The following SPAG16 variants were observed in gnomAD, a reference collection of about 807,000 sequenced individuals.
SPAG16 encodes the protein sperm associated antigen 16, also known as sperm-associated antigen 16 protein.
Under a neutral mutation model 80.4 loss-of-function variants are expected in SPAG16, and 86 were observed. The ratio of observed to expected loss-of-function variants is 1.07; its 90% confidence interval spans 0.90 to 1.28. The LOEUF is 1.28. Among genes scored for constraint, SPAG16 ranks in the 50% most tolerant of loss-of-function variants. The pLI is 0.00. For synonymous variants in SPAG16, 294 were observed against 265.9 expected, an observed-to-expected ratio of 1.11 and a Z score of -1.03; for missense variants, 870 against 765.3, an observed-to-expected ratio of 1.14 and a Z score of -1.61.
chr2:213,841,316 T>A (rs1209991284), intron 10 of SPAG16, among the ~76,000 whole-genome samples: 1 of 152,138 alleles, frequency 6.6e-6, no homozygotes, highest in African/African-American at 2.4e-5. Flanking sequence ...GGGCATGACA[T>A]AAGGGTAGTT....
intron 11 of SPAG16, 67 bp from the exon 12 acceptor site, chr2:213,929,893 G>A: frequency 7.2e-7 from 1 of 1,379,384 alleles, no homozygotes; most frequent in Non-Finnish European, 1.0e-6. Flanking sequence ...ATTACTCATA[G>A]AATGCAGTAT....
intron 10 of SPAG16, among the ~76,000 whole-genome samples, chr2:213,717,463 G>A (rs1317080405): frequency 1.3e-5 from 2 of 152,142 alleles, no homozygotes; most frequent in East Asian, 3.9e-4. Flanking sequence ...CCCGGCAAAA[G>A]TAGGACCTTT....
intron 10 of SPAG16, among the ~76,000 whole-genome samples, chr2:213,850,110 A>G (rs868279776): frequency 1.2e-4 from 19 of 152,178 alleles, no homozygotes; most frequent in African/African-American, 4.1e-4. Context: ...ATTTACCTAA[A>G]TAGTGGGTCG....
chr2:214,149,075 G>GTATATATATA (rs368500543), intron 14 of SPAG16, 65 bp from the exon 15 acceptor site: 3 of 301,570 alleles, frequency 9.9e-6, no homozygotes, highest in East Asian at 1.8e-4. Flanking sequence ...GTGTGTGTGT[G>GTATATATATA]TGTATATATA....
chr2:213,566,782 C>G (rs903114989), intron 10 of SPAG16, among the ~76,000 whole-genome samples: 1 of 152,146 alleles, frequency 6.6e-6, no homozygotes, highest in African/African-American at 2.4e-5. Context: ...TTTCCCAGAG[C>G]ATAAGACTTG....
chr2:213,639,438 G>A (rs527339353), intron 10 of SPAG16, among the ~76,000 whole-genome samples: 5 of 152,212 alleles, frequency 3.3e-5, no homozygotes, highest in East Asian at 1.9e-4. Context: ...TGCTGGCTTC[G>A]TAGTGCTGAA....
chr2:213,840,732 A>G (rs1163477433), intron 10 of SPAG16, among the ~76,000 whole-genome samples: 1 of 152,098 alleles, frequency 6.6e-6, no homozygotes. Flanking sequence ...GGTTAGTGAG[A>G]TGGGGGTGGC....
rs551624986 is a variant in SPAG16, at chr2:214,153,487, G to A, written c.1720+4221G>A. 3.3e-5 allele frequency among the ~76,000 whole-genome samples: 5 copies of A among 152,152 alleles called. No individual in the cohort carries two copies. The South Asian group carries it at 8.3e-4, about 25-fold the overall frequency. ...ATATTTTATTATTCTGGAACAGCTC[G>A]TGTCCTTGGTCTCTTGCCTCGGCGC... On this transcript the variant is annotated intron_variant, in intron 15 of 15. Coordinates refer to ENST00000331683, the MANE Select transcript of SPAG16 (RefSeq NM_024532.5).
intron 10 of SPAG16, among the ~76,000 whole-genome samples, chr2:213,586,026 G>A (rs16850472): frequency 0.087 from 13,215 of 152,082 alleles, 1,431 homozygotes; most frequent in African/African-American, 0.25. Flanking sequence ...CGTATACCAT[G>A]CATTCAGATT....
chr2:213,510,393 TTTA>T (rs2075175240), intron 10 of SPAG16, among the ~76,000 whole-genome samples: 1 of 152,158 alleles, frequency 6.6e-6, no homozygotes, highest in South Asian at 2.1e-4. Context: ...TAACATTTTT[TTTA>T]TTATTTTATT....
At chr2:213,980,115 G>T (rs2045618749) in intron 12 of SPAG16, among the ~76,000 whole-genome samples, 1 of 151,178 alleles carries the variant, frequency 6.6e-6, no homozygotes, top group African/African-American at 2.4e-5. Flanking sequence ...ACTTTGGGAG[G>T]CTGAGGTGGG....
intron 15 of SPAG16, among the ~76,000 whole-genome samples, chr2:214,332,851 G>A (rs552061722): frequency 6.6e-6 from 1 of 152,196 alleles, no homozygotes; most frequent in Admixed American, 6.5e-5. Flanking sequence ...CTACCAGGTA[G>A]CTGAAAATGA....
At chr2:214,315,933 G>A (rs1319399256) in intron 15 of SPAG16, among the ~76,000 whole-genome samples, 1 of 152,166 alleles carries the variant, frequency 6.6e-6, no homozygotes, top group Admixed American at 6.5e-5. Context: ...AAGTAGTGCA[G>A]ACCTCTAGCT....
At chr2:214,309,337 A>G (rs1695131229) in intron 15 of SPAG16, among the ~76,000 whole-genome samples, 2 of 152,102 alleles carry the variant, frequency 1.3e-5, no homozygotes. Context: ...ATGTACTCCT[A>G]TAGCTCAGTG....
intron 15 of SPAG16, among the ~76,000 whole-genome samples, chr2:214,405,866 A>G (rs1479112711): frequency 6.6e-6 from 1 of 152,162 alleles, no homozygotes; most frequent in Non-Finnish European, 1.5e-5. Flanking sequence ...TTCTAGGAGG[A>G]AAGAATAGCT....
At chr2:213,491,148 G>T (rs1039156952) in intron 10 of SPAG16, among the ~76,000 whole-genome samples, 4 of 152,134 alleles carry the variant, frequency 2.6e-5, no homozygotes, top group African/African-American at 9.7e-5. Flanking sequence ...GAAAAGGTCT[G>T]TTAGTAAAGG....
At chr2:213,740,604 C>T (rs941092804) in intron 10 of SPAG16, among the ~76,000 whole-genome samples, 1 of 152,174 alleles carries the variant, frequency 6.6e-6, no homozygotes, top group African/African-American at 2.4e-5. Context: ...GGGGAAGTCC[C>T]GTATCAGCAA....
chr2:214,309,443 A>T (rs979820630), intron 15 of SPAG16, among the ~76,000 whole-genome samples: 2 of 152,150 alleles, frequency 1.3e-5, no homozygotes, highest in African/African-American at 4.8e-5. Flanking sequence ...AGGTGATGCA[A>T]TCATTTGGAG....
At chr2:214,134,546 G>A (rs1396532900) in intron 14 of SPAG16, among the ~76,000 whole-genome samples, 2 of 152,020 alleles carry the variant, frequency 1.3e-5, no homozygotes, top group African/African-American at 2.4e-5. Context: ...ACCTAAAATC[G>A]GCACAGGCTC....
Sources: gnomAD v4.1 joint callset for allele counts (sites outside exome capture counted in the v4.1 genomes callset) on GRCh38, gnomAD v4.1.1 for gene constraint, MANE v1.5 for transcripts, NCBI Gene and HGNC (gene_info 2026-07-23, HGNC 2026-07-21) for gene names.